UNC5D: variants seen among roughly 807,000 people sequenced by gnomAD.
The protein encoded by UNC5D is unc-5 netrin receptor D.
Under a neutral mutation model 105.4 loss-of-function variants are expected in UNC5D, and 39 were observed. That is an observed-to-expected ratio of 0.37 (90% CI 0.29 to 0.48). The LOEUF (loss-of-function observed/expected upper bound fraction) is 0.48, where lower values mean the gene tolerates loss of function less well. UNC5D is among the 20% of genes least tolerant of loss of function. The probability of loss-of-function intolerance (pLI) is 0.98; values close to 1 mark genes in which losing one functional copy is unlikely to be tolerated. For synonymous variants in UNC5D, 452 were observed against 450.4 expected (o/e 1.00, Z -0.04); for missense variants, 991 against 1,202.4 (o/e 0.82, Z 2.60).
At chr8:35,702,667 G>T (rs1037797280) in intron 7 of UNC5D, among the ~76,000 whole-genome samples, 1 of 152,186 alleles carries the variant, frequency 6.6e-6, no homozygotes, top group Non-Finnish European at 1.5e-5. Flanking sequence ...AAGTCAGTGG[G>T]TAGCCCTCTC....
At chr8:35,256,798 A>G (rs1233311504) in intron 1 of UNC5D, among the ~76,000 whole-genome samples, 1 of 151,942 alleles carries the variant, frequency 6.6e-6, no homozygotes, top group Non-Finnish European at 1.5e-5. Flanking sequence ...CTTTGGATAT[A>G]TTGGATATAA....
At chr8:35,621,021 T>A (rs558129316) in intron 4 of UNC5D, among the ~76,000 whole-genome samples, 1 of 152,252 alleles carries the variant, frequency 6.6e-6, no homozygotes, top group African/African-American at 2.4e-5. Flanking sequence ...TTGAGCAACA[T>A]CCTTGGCCTC....
chr8:35,407,247 A>G (rs373528437), intron 1 of UNC5D, among the ~76,000 whole-genome samples: 71 of 152,214 alleles, frequency 4.7e-4, no homozygotes, highest in Non-Finnish European at 7.9e-4. Flanking sequence ...AGTGTACTCT[A>G]TGATGTTTGC....
intron 1 of UNC5D, among the ~76,000 whole-genome samples, chr8:35,412,991 T>C (rs1292977781): frequency 1.3e-5 from 2 of 152,084 alleles, no homozygotes; most frequent in Admixed American, 6.6e-5. Context: ...TTTTTGAACA[T>C]ATGAAATGTC....
chr8:35,703,199 A>T lies in UNC5D; in HGVS notation c.1085-2730A>T, dbSNP rs552840157. ...CACAAATAGGCATTTTTTTTTTTTT[A>T]CTCTGACAATGATCATGATAATCAT... On this transcript the variant is annotated intron_variant, in intron 7 of 16. Transcript: ENST00000404895. Among the ~76,000 whole-genome samples the T allele has an allele frequency of 1.8e-3, 268 of 148,308 alleles. 3 individuals are homozygous for T. The highest frequency in any genetic ancestry group is 6.3e-3 in the African/African-American group (255 of 40,320).
In UNC5D at chr8:35,345,288, C is replaced by T. The variant is rs565967940; in HGVS notation, c.103+109401C>T. 1.3e-4 allele frequency among the ~76,000 whole-genome samples: 20 copies of T among 151,986 alleles called. 1 individual carries two copies. In the East Asian group the frequency reaches 3.3e-3, roughly 25 times the overall value. ...TTTTCTTCTAGAATTTTCCATGACC[C>T]CTTTTGCTTGCATCGGCAGAGAAAA... On this transcript the variant is annotated intron_variant, in intron 1 of 16. Coordinates refer to ENST00000404895, the MANE Select transcript of UNC5D (RefSeq NM_080872.4).
chr8:35,235,993 A>G, intron 1 of UNC5D, 106 bp downstream of exon 1: 1 of 1,017,622 alleles, frequency 9.8e-7, no homozygotes. Flanking sequence ...TGCGCCCTGC[A>G]CCTCGGCGCT....
chr8:35,522,559 C>T (rs1221403043), intron 1 of UNC5D, among the ~76,000 whole-genome samples: 1 of 152,170 alleles, frequency 6.6e-6, no homozygotes, highest in African/African-American at 2.4e-5. Context: ...TTTAAGGCAA[C>T]TTTGGGTTTA....
chr8:35,766,853 A>G (rs1312819586), intron 14 of UNC5D, 49 bp from the exon 15 acceptor site: 3 of 1,560,562 alleles, frequency 1.9e-6, no homozygotes, highest in Admixed American at 1.9e-5. Context: ...GTTCTAGTTC[A>G]TCTCAGCCAG....
intron 1 of UNC5D, among the ~76,000 whole-genome samples, chr8:35,282,888 A>G (rs1172363324): frequency 2.0e-5 from 3 of 152,170 alleles, no homozygotes; most frequent in East Asian, 3.9e-4. Context: ...AGAGTGAAGT[A>G]CTTTATAAAG....
At chr8:35,689,381 C>T (rs926233726) in intron 7 of UNC5D, among the ~76,000 whole-genome samples, 2 of 152,172 alleles carry the variant, frequency 1.3e-5, no homozygotes, top group Non-Finnish European at 2.9e-5. Context: ...TGGCAAGCCT[C>T]GATCCTAACT....
chr8:35,394,831 A>T (rs971261772), intron 1 of UNC5D, among the ~76,000 whole-genome samples: 8 of 152,182 alleles, frequency 5.3e-5, no homozygotes, highest in African/African-American at 1.9e-4. Context: ...TGACATTATA[A>T]TTTTCAGGTC....
chr8:35,584,379 C>G (rs114900013), intron 3 of UNC5D, among the ~76,000 whole-genome samples: 1,840 of 151,836 alleles, frequency 0.012, 49 homozygotes, highest in African/African-American at 0.043. Context: ...TATACTGGGC[C>G]TGTTTTTTGT....
intron 1 of UNC5D, among the ~76,000 whole-genome samples, chr8:35,427,458 A>T (rs540971425): frequency 6.6e-6 from 1 of 152,300 alleles, no homozygotes; most frequent in African/African-American, 2.4e-5. Context: ...AATTGCTTTT[A>T]TTATCAGTGA....
intron 1 of UNC5D, among the ~76,000 whole-genome samples, chr8:35,488,579 C>A (rs1810982057): frequency 6.6e-6 from 1 of 152,130 alleles, no homozygotes; most frequent in South Asian, 2.1e-4. Context: ...GGCTGGAAGG[C>A]AGGGTTGCCA....
intron 1 of UNC5D, among the ~76,000 whole-genome samples, chr8:35,515,362 TAG>T (rs755809985): frequency 6.6e-6 from 1 of 152,194 alleles, no homozygotes; most frequent in Non-Finnish European, 1.5e-5. Flanking sequence ...TTTAGGTATA[TAG>T]ACAGCATAGT....
intron 9 of UNC5D, among the ~76,000 whole-genome samples, chr8:35,725,084 G>A (rs945732394): frequency 2.6e-5 from 4 of 152,156 alleles, no homozygotes; most frequent in Admixed American, 6.5e-5. Flanking sequence ...TCCTACTGGC[G>A]TTGCTGCAAA....
intron 4 of UNC5D, among the ~76,000 whole-genome samples, chr8:35,652,972 C>G (rs1823521777): frequency 7.7e-6 from 1 of 129,268 alleles, no homozygotes; most frequent in Admixed American, 9.0e-5. Context: ...TCTTGCCAGG[C>G]AGGCTGCAGT....
At chr8:35,418,026 T>C (rs1486644580) in intron 1 of UNC5D, among the ~76,000 whole-genome samples, 1 of 152,184 alleles carries the variant, frequency 6.6e-6, no homozygotes, top group Non-Finnish European at 1.5e-5. Context: ...GTTGAGTCCA[T>C]TCATTTCTCA....
Sources: allele counts gnomAD v4.1 joint callset (sites outside exome capture counted in the v4.1 genomes callset), GRCh38; gene constraint gnomAD v4.1.1; transcripts MANE v1.5; gene names NCBI Gene and HGNC (gene_info 2026-07-23, HGNC 2026-07-21).